Variants in ZBTB16 observed in about 807,000 individuals in gnomAD.
The protein encoded by ZBTB16 is zinc finger and BTB domain containing 16.
In ZBTB16, 8 loss-of-function variants were observed where a neutral mutation model predicts 56.8. The ratio of observed to expected loss-of-function variants is 0.14; its 90% CI spans 0.08 to 0.25. The LOEUF is 0.25. Ranked by LOEUF, ZBTB16 falls within the 10% of genes least tolerant of loss-of-function variation. ZBTB16 has a pLI of 1.00. For synonymous variants in ZBTB16, 363 were observed against 368.5 expected, an observed-to-expected ratio of 0.98 and a Z score of 0.17; for missense variants, 625 against 903.0, an observed-to-expected ratio of 0.69 and a Z score of 3.95.
intron 2 of ZBTB16, among the ~76,000 whole-genome samples, chr11:114,118,384 C>T (rs1181961286): frequency 1.3e-5 from 2 of 152,116 alleles, no homozygotes; most frequent in African/African-American, 2.4e-5. Flanking sequence ...ACCATGTTGG[C>T]CAGACTGGTC....
rs1421816742 is a variant in ZBTB16 at position 114,255,029 on chromosome 11, A to G, written c.*4474A>G. Reference sequence around the variant, plus strand: ...GGTGTGTATCATAGGATTTGTTCACATAGTGTTATGCATGATCTTCGTAAG... The same window carrying G: ...GGTGTGTATCATAGGATTTGTTCACGTAGTGTTATGCATGATCTTCGTAAG... On this transcript the variant is annotated 3_prime_UTR_variant, in exon 7 of 7. Coordinates refer to ENST00000335953, the MANE Select transcript of ZBTB16 (RefSeq NM_006006.6). Among the ~76,000 whole-genome samples, 2 of 152,202 alleles carry G rather than the reference A, an allele frequency of 1.3e-5. No homozygotes were observed. Among genetic ancestry groups the G allele is most frequent in the Admixed American group, 6.5e-5 (1 of 15,278 alleles).
At chr11:114,126,953 C>T (rs2735207) in intron 2 of ZBTB16, among the ~76,000 whole-genome samples, 56,435 of 152,006 alleles carry the variant, frequency 0.37, 10,770 homozygotes, top group Admixed American at 0.46. Flanking sequence ...GTCTCTTCTC[C>T]GCAGCAGGTT....
intron 3 of ZBTB16, among the ~76,000 whole-genome samples, chr11:114,185,910 G>T (rs1256887838): frequency 6.6e-6 from 1 of 152,166 alleles, no homozygotes; most frequent in Non-Finnish European, 1.5e-5. Context: ...AAATTGAGTT[G>T]CACTGAATTA....
rs545491291 is a variant in ZBTB16 at position 114,223,181 on chromosome 11, C to T, written c.1454-18986C>T. Among the ~76,000 whole-genome samples the T allele has an allele frequency of 3.3e-5, 5 of 152,306 alleles. 1 individual carries two copies. Among genetic ancestry groups the T allele is most frequent in the African/African-American group, 9.6e-5 (4 of 41,556 alleles). On this transcript the variant is annotated intron_variant, in intron 4 of 6. Transcript: ENST00000335953. The stretch of plus-strand genomic sequence containing the variant: ...GTGTCTTCAATTGTGAATGACTCCT[C>T]ATCAGGAAGGGACATCTGGGTAGCA...
At chr11:114,101,479 G>T (rs768029674) in intron 2 of ZBTB16, among the ~76,000 whole-genome samples, 2 of 152,108 alleles carry the variant, frequency 1.3e-5, no homozygotes, top group African/African-American at 4.8e-5. Context: ...ATTTAACCAG[G>T]TTTTTTGTGA....
At chr11:114,117,898 T>A (rs1425569902) in intron 2 of ZBTB16, among the ~76,000 whole-genome samples, 2 of 152,226 alleles carry the variant, frequency 1.3e-5, no homozygotes, top group Non-Finnish European at 2.9e-5. Flanking sequence ...CCTTCATTCA[T>A]GTGTGTGCTG....
chr11:114,081,955 G>T lies in ZBTB16; in HGVS notation c.1268+17387G>T, dbSNP rs181731047. On this transcript the variant is annotated intron_variant, in intron 2 of 6. Coordinates refer to ENST00000335953, the MANE Select transcript of ZBTB16 (RefSeq NM_006006.6). ...AGACCCGGGTTCAGATTTTCATGCT[G>T]CCACTTGCAAACTGTGTGATGTTGG... Among the ~76,000 whole-genome samples, 327 of 152,074 alleles carry T rather than the reference G, an allele frequency of 2.2e-3. 2 individuals carry two copies. The highest frequency in any genetic ancestry group is 4.1e-3 in the Non-Finnish European group (277 of 67,996).
At chr11:114,183,052 C>T (rs988111077) in intron 3 of ZBTB16, among the ~76,000 whole-genome samples, 7 of 152,140 alleles carry the variant, frequency 4.6e-5, no homozygotes, top group Non-Finnish European at 8.8e-5. Context: ...CGCTCGGCTC[C>T]GCTCACGTGT....
At chr11:114,101,639 C>G (rs1235635520) in intron 2 of ZBTB16, among the ~76,000 whole-genome samples, 1 of 152,152 alleles carries the variant, frequency 6.6e-6, no homozygotes, top group African/African-American at 2.4e-5. Flanking sequence ...TTTTGAGATT[C>G]AGTTTTCTCT....
At chr11:114,151,434 A>G (rs1942276118) in intron 2 of ZBTB16, among the ~76,000 whole-genome samples, 1 of 152,178 alleles carries the variant, frequency 6.6e-6, no homozygotes, top group African/African-American at 2.4e-5. Context: ...TCCTCATTCA[A>G]AGGCGGGAGA....
At chr11:114,241,932 C>G (rs759735350) in intron 4 of ZBTB16, among the ~76,000 whole-genome samples, 4 of 152,168 alleles carry the variant, frequency 2.6e-5, no homozygotes, top group African/African-American at 4.8e-5. Flanking sequence ...TGTATTTGAT[C>G]AATGTCTATC....
At chr11:114,082,407 A>G (rs1195213016) in intron 2 of ZBTB16, among the ~76,000 whole-genome samples, 2 of 152,364 alleles carry the variant, frequency 1.3e-5, no homozygotes, top group African/African-American at 4.8e-5. Context: ...CACTCTGCAC[A>G]GTGCCTGTAA....
At chr11:114,167,229 T>TG (rs1204714818) in intron 3 of ZBTB16, among the ~76,000 whole-genome samples, 2 of 100,524 alleles carry the variant, frequency 2.0e-5, no homozygotes, top group Non-Finnish European at 3.5e-5. Flanking sequence ...TTTTTTTTTT[T>TG]TGGTTTTTTT....
At chr11:114,197,606 T>C (rs1161262108) in intron 4 of ZBTB16, among the ~76,000 whole-genome samples, 1 of 151,380 alleles carries the variant, frequency 6.6e-6, no homozygotes, top group Non-Finnish European at 1.5e-5. Context: ...AGTCCCTGGC[T>C]CTGAACTTCA....
chr11:114,175,460 CT>C (rs745429390), intron 3 of ZBTB16, among the ~76,000 whole-genome samples: 276 of 145,934 alleles, frequency 1.9e-3, no homozygotes, highest in Non-Finnish European at 2.0e-3. Flanking sequence ...CATGTGCAAA[CT>C]TTTTTTTTTT....
chr11:114,084,646 C>T (rs1939896711), intron 2 of ZBTB16, among the ~76,000 whole-genome samples: 1 of 152,000 alleles, frequency 6.6e-6, no homozygotes, highest in Admixed American at 6.6e-5. Flanking sequence ...GAGGGAGCCC[C>T]CACTCCGTGC....
At position 114,234,266 on chromosome 11, in the gene ZBTB16, G is replaced by A. The variant is rs78963286; in HGVS notation, c.1454-7901G>A. Among the ~76,000 whole-genome samples the A allele has an allele frequency of 1.3e-3, 205 of 152,296 alleles. 1 individual carries two copies. Among genetic ancestry groups the A allele is most frequent in the African/African-American group, 4.8e-3 (198 of 41,568 alleles). On this transcript the variant is annotated intron_variant, in intron 4 of 6. Coordinates refer to ENST00000335953, the MANE Select transcript of ZBTB16 (RefSeq NM_006006.6). ...ATTGACAAGTGATGCTAAGGTTTTT[G>A]GCTCTTAGCTTGGTTTGGGAAGATG...
chr11:114,062,268 T>C (rs1938910290), intron 1 of ZBTB16, among the ~76,000 whole-genome samples: 2 of 150,648 alleles, frequency 1.3e-5, no homozygotes, highest in African/African-American at 4.9e-5. Flanking sequence ...CGCGCCTGGC[T>C]AATTTTGTAT....
At chr11:114,199,320 TG>T (rs1446519851) in intron 4 of ZBTB16, among the ~76,000 whole-genome samples, 1 of 118,316 alleles carries the variant, frequency 8.5e-6, no homozygotes, top group Non-Finnish European at 1.7e-5. Flanking sequence ...GGCCCCGGGA[TG>T]GGGATGCCGG....
Sources: allele counts gnomAD v4.1 joint callset (sites outside exome capture counted in the v4.1 genomes callset), GRCh38; gene constraint gnomAD v4.1.1; transcripts MANE v1.5; gene names NCBI Gene and HGNC (gene_info 2026-07-23, HGNC 2026-07-21).